The following PRDM5 variants were observed in gnomAD, a reference collection of about 807,000 sequenced individuals.
The protein encoded by PRDM5 is PR domain zinc finger protein 5.
Under a neutral mutation model 81.2 loss-of-function variants are expected in PRDM5, and 56 were observed. The observed-to-expected ratio is 0.69, with a 90% CI of 0.56 to 0.86. The LOEUF (loss-of-function observed/expected upper bound fraction) is 0.86, where lower values mean the gene tolerates loss of function less well. PRDM5 is among the 40% of genes least tolerant of loss of function. The pLI is 0.00. For synonymous variants in PRDM5, 267 were observed against 256.4 expected (o/e 1.04, Z -0.39); for missense variants, 697 against 770.1 (o/e 0.91, Z 1.12).
downstream of PRDM5, among the ~76,000 whole-genome samples, chr4:120,690,130 C>T (rs901653439): frequency 2.0e-5 from 3 of 152,112 alleles, no homozygotes; most frequent in African/African-American, 7.2e-5. Context: ...TTTGGTTCTT[C>T]AGATGCTAAT....
At chr4:120,898,822 A>G (rs1764930930) in intron 2 of PRDM5, among the ~76,000 whole-genome samples, 1 of 152,178 alleles carries the variant, frequency 6.6e-6, no homozygotes, top group Non-Finnish European at 1.5e-5. Flanking sequence ...CTACTAAAAC[A>G]TAGGTCCCAG....
At chr4:120,897,753 C>G (rs1231448675) in intron 2 of PRDM5, among the ~76,000 whole-genome samples, 1 of 152,132 alleles carries the variant, frequency 6.6e-6, no homozygotes, top group African/African-American at 2.4e-5. Context: ...GTTCTCTGCT[C>G]TAAAATATAA....
At position 120,703,970 on chromosome 4, in the gene PRDM5, A is replaced by T. The variant is rs1180060344; in HGVS notation, c.1728+6339T>A. ...GAAAATGTAAGAAAGGTTCTCAGAC[A>T]GTTCAGCTTGCCACTGTGGTGGGAG... On this transcript the variant is annotated intron_variant, in intron 15 of 15. Transcript: ENST00000264808. Among the ~76,000 whole-genome samples, 6 of 152,234 alleles carry T rather than the reference A, an allele frequency of 3.9e-5. No homozygotes were observed. In the East Asian group the frequency reaches 1.2e-3, roughly 29 times the overall value.
intron 15 of PRDM5, among the ~76,000 whole-genome samples, chr4:120,695,842 C>T (rs534432242): frequency 6.6e-6 from 1 of 151,804 alleles, no homozygotes; most frequent in Admixed American, 6.6e-5. Context: ...GTCCAAGTTA[C>T]CAAAAAAAAT....
At chr4:120,728,018 A>G (rs1461294368) in intron 14 of PRDM5, among the ~76,000 whole-genome samples, 1 of 152,010 alleles carries the variant, frequency 6.6e-6, no homozygotes, top group Non-Finnish European at 1.5e-5. Flanking sequence ...TCATGATCAC[A>G]GCTGGTCCTT....
At chr4:120,845,230 C>G (rs1203600790) in intron 3 of PRDM5, among the ~76,000 whole-genome samples, 1 of 152,206 alleles carries the variant, frequency 6.6e-6, no homozygotes, top group Non-Finnish European at 1.5e-5. Context: ...ACTGGCTACA[C>G]TAAACAACAG....
At chr4:120,823,930 T>C (rs895811402) in intron 3 of PRDM5, among the ~76,000 whole-genome samples, 3 of 152,166 alleles carry the variant, frequency 2.0e-5, no homozygotes, top group Non-Finnish European at 4.4e-5. Context: ...GTTCTTCCTC[T>C]ATTACTTCCC....
intron 3 of PRDM5, among the ~76,000 whole-genome samples, chr4:120,844,445 CTT>C: frequency 6.6e-6 from 1 of 152,178 alleles, no homozygotes. Context: ...GCCTCTGCTA[CTT>C]TTTGCAATAT....
chr4:120,907,545 C>T lies in PRDM5; in HGVS notation c.106G>A (p.Gly36Arg), dbSNP rs374583073. The T allele has an allele frequency of 2.7e-5, 44 of 1,611,018 alleles. No homozygotes were observed. Among genetic ancestry groups the T allele is most frequent in the Non-Finnish European group, 2.9e-5 (34 of 1,177,456 alleles). Residue 36 changes from glycine to arginine, a missense_variant, in exon 2 of 16, where the codon GGA (glycine) becomes AGA (arginine). By Grantham distance (125) the Gly-to-Arg change is moderately radical (BLOSUM62 -2). Transcript: ENST00000264808. The part of the protein sequence containing the change: ...ARRVRKGEKF[G>R]PFAGEKRMPE... ...ATTCTCTTCTCTCCAGCAAAGGGTC[C>T]GAACTTTTCACCCTGAGTAGCAATG...
At chr4:120,757,918 T>G (rs1745023263) in intron 13 of PRDM5, among the ~76,000 whole-genome samples, 1 of 151,466 alleles carries the variant, frequency 6.6e-6, no homozygotes, top group African/African-American at 2.4e-5. Context: ...TCTCCCTTCC[T>G]CCCTCCCTCC....
downstream of PRDM5, among the ~76,000 whole-genome samples, chr4:120,684,597 T>C (rs1455927951): frequency 3.9e-5 from 6 of 151,984 alleles, no homozygotes; most frequent in Admixed American, 3.9e-4. Flanking sequence ...TCAATCACAT[T>C]GGGGCACTTC....
intron 2 of PRDM5, chr4:120,896,135 T>C (rs35745713): frequency 6.6e-6 from 1 of 152,212 alleles, no homozygotes; most frequent in East Asian, 1.9e-4. Flanking sequence ...GCAACTTTGA[T>C]GAGCTCTCTT....
intron 3 of PRDM5, among the ~76,000 whole-genome samples, chr4:120,840,890 C>T (rs1020367687): frequency 5.3e-5 from 8 of 152,200 alleles, no homozygotes; most frequent in African/African-American, 1.9e-4. Flanking sequence ...AAACTAATGC[C>T]ACTGCTGCTC....
chr4:120,731,357 CAG>C (rs796704634), intron 14 of PRDM5, among the ~76,000 whole-genome samples: 1 of 148,826 alleles, frequency 6.7e-6, no homozygotes, highest in African/African-American at 2.5e-5. Flanking sequence ...TTCAATTAAA[CAG>C]AGGTCTTCTT....
intron 2 of PRDM5, among the ~76,000 whole-genome samples, chr4:120,869,423 A>C (rs1266154533): frequency 6.6e-6 from 1 of 152,236 alleles, no homozygotes; most frequent in East Asian, 1.9e-4. Context: ...CCTAACTTTT[A>C]AAAAGTTCAT....
At chr4:120,834,283 T>C (rs762432377) in intron 3 of PRDM5, among the ~76,000 whole-genome samples, 5 of 152,138 alleles carry the variant, frequency 3.3e-5, no homozygotes, top group Non-Finnish European at 7.4e-5. Flanking sequence ...TGTAATGGCA[T>C]TTAGAGGGAG....
intron 2 of PRDM5, among the ~76,000 whole-genome samples, chr4:120,856,992 A>G (rs1308552243): frequency 6.6e-6 from 1 of 152,140 alleles, no homozygotes; most frequent in East Asian, 1.9e-4. Context: ...GTGTAGTAAA[A>G]ACCACCTCAG....
At chr4:120,792,068 AC>A (rs1037320355) in intron 10 of PRDM5, among the ~76,000 whole-genome samples, 3 of 152,186 alleles carry the variant, frequency 2.0e-5, no homozygotes, top group Non-Finnish European at 2.9e-5. Flanking sequence ...AACTGAAGAC[AC>A]CCACCATCTC....
At chr4:120,850,502 G>A (rs1172315068) in intron 3 of PRDM5, among the ~76,000 whole-genome samples, 1 of 152,032 alleles carries the variant, frequency 6.6e-6, no homozygotes, top group Non-Finnish European at 1.5e-5. Flanking sequence ...TTACCTCAAG[G>A]GAGCTAACAA....
Sources: gnomAD v4.1 joint callset for allele counts (sites outside exome capture counted in the v4.1 genomes callset) on GRCh38, gnomAD v4.1.1 for gene constraint, MANE v1.5 for transcripts, NCBI Gene and HGNC (gene_info 2026-07-23, HGNC 2026-07-21) for gene names.